ARHGAP24: variants seen among roughly 807,000 people sequenced by gnomAD.
The protein encoded by ARHGAP24 is rho GTPase-activating protein 24.
Under a neutral mutation model 76.4 loss-of-function variants are expected in ARHGAP24, and 50 were observed. That is an observed-to-expected ratio of 0.65 (90% CI 0.52 to 0.83). ARHGAP24 has a LOEUF of 0.83. Ranked by LOEUF, ARHGAP24 falls within the 40% of genes least tolerant of loss-of-function variation. ARHGAP24 has a pLI of 0.00. For synonymous variants in ARHGAP24, 345 were observed against 323.3 expected, an observed-to-expected ratio of 1.07 and a Z score of -0.72; for missense variants, 930 against 914.2, an observed-to-expected ratio of 1.02 and a Z score of -0.22.
intron 1 of ARHGAP24, among the ~76,000 whole-genome samples, chr4:85,568,629 A>T (rs1039746872): frequency 3.9e-5 from 6 of 152,210 alleles, no homozygotes; most frequent in Non-Finnish European, 5.9e-5. Flanking sequence ...TGGAGGCATC[A>T]GGCATGGTCC....
intron 8 of ARHGAP24, among the ~76,000 whole-genome samples, chr4:85,988,258 G>A (rs1740118949): frequency 6.6e-6 from 1 of 151,634 alleles, no homozygotes; most frequent in Non-Finnish European, 1.5e-5. Context: ...GCACTACACA[G>A]CAATAATATG....
In ARHGAP24 at chr4:85,995,561, AC is replaced by A. The variant is rs1287278953; in HGVS notation, c.1908del (p.Asn636LysfsTer12). ...SSDNSETFVG[N>X]SSSNHSALHS... The stretch of plus-strand genomic sequence containing the variant: ...GACAACAGTGAGACATTTGTGGGCA[AC>A]AGCAGCAGCAACCACAGTGCACTGC... On this transcript the variant is annotated frameshift_variant, in exon 9 of 10. Coordinates refer to ENST00000395184, the MANE Select transcript of ARHGAP24 (RefSeq NM_001025616.3). LOFTEE classifies it high-confidence loss of function. The A allele has an allele frequency of 6.2e-7, 1 of 1,612,940 alleles. No individual in the cohort carries two copies. The highest frequency in any genetic ancestry group is 1.1e-5 in the South Asian group (1 of 90,950).
intron 3 of ARHGAP24, among the ~76,000 whole-genome samples, chr4:85,760,816 T>G (rs1726705648): frequency 6.6e-6 from 1 of 152,170 alleles, no homozygotes; most frequent in African/African-American, 2.4e-5. Flanking sequence ...ACAGTTGACT[T>G]GCCCCACGTA....
At chr4:85,979,899 G>A (rs1739553918) in intron 8 of ARHGAP24, among the ~76,000 whole-genome samples, 1 of 152,070 alleles carries the variant, frequency 6.6e-6, no homozygotes. Context: ...AATTTGCTTG[G>A]TCAATACATT....
intron 3 of ARHGAP24, among the ~76,000 whole-genome samples, chr4:85,911,032 T>C (rs1735047354): frequency 6.6e-6 from 1 of 152,072 alleles, no homozygotes; most frequent in African/African-American, 2.4e-5. Context: ...GGGGCAGGCA[T>C]TTCCGAGCCT....
At chr4:85,483,686 TTGTG>T (rs375507013) in intron 1 of ARHGAP24, among the ~76,000 whole-genome samples, 2 of 151,244 alleles carry the variant, frequency 1.3e-5, no homozygotes, top group East Asian at 3.9e-4. Context: ...ATGTTTTAAT[TTGTG>T]TGTGTGTGTG....
chr4:85,931,830 T>C (rs531443885), intron 4 of ARHGAP24, among the ~76,000 whole-genome samples: 2 of 152,342 alleles, frequency 1.3e-5, no homozygotes, highest in African/African-American at 4.8e-5. Flanking sequence ...GGAATGGCTG[T>C]TTAAGTAGAA....
chr4:85,953,638 A>ATTT (rs567273059), intron 5 of ARHGAP24, among the ~76,000 whole-genome samples: 4 of 145,666 alleles, frequency 2.7e-5, no homozygotes, highest in African/African-American at 1.0e-4. Context: ...TCCACAGGCG[A>ATTT]TTTTTTTTTT....
At chr4:85,856,180 T>A (rs1731546610) in intron 3 of ARHGAP24, among the ~76,000 whole-genome samples, 1 of 152,166 alleles carries the variant, frequency 6.6e-6, no homozygotes, top group East Asian at 1.9e-4. Flanking sequence ...GCTATTTCAT[T>A]GTGGTTTGAA....
intron 3 of ARHGAP24, among the ~76,000 whole-genome samples, chr4:85,745,527 G>T (rs537775390): frequency 2.0e-5 from 3 of 149,050 alleles, no homozygotes; most frequent in Non-Finnish European, 3.0e-5. Flanking sequence ...GGAGTTCAAG[G>T]CTTCAATGAG....
At chr4:85,807,257 C>G (rs1295011980) in intron 3 of ARHGAP24, among the ~76,000 whole-genome samples, 8 of 152,072 alleles carry the variant, frequency 5.3e-5, no homozygotes. Flanking sequence ...CATCCCTCCC[C>G]TAACCTCCCC....
chr4:85,895,309 G>A (rs763582015), intron 3 of ARHGAP24, among the ~76,000 whole-genome samples: 3 of 152,098 alleles, frequency 2.0e-5, no homozygotes, highest in Non-Finnish European at 2.9e-5. Context: ...GCTCACCATC[G>A]GAAGTTTTAC....
At chr4:85,583,786 TG>T in intron 2 of ARHGAP24, among the ~76,000 whole-genome samples, 1 of 148,112 alleles carries the variant, frequency 6.8e-6, no homozygotes, top group Admixed American at 6.7e-5. Context: ...GCAAAGGACA[TG>T]AATAGACACT....
At chr4:85,953,578 C>T (rs1259202824) in intron 5 of ARHGAP24, among the ~76,000 whole-genome samples, 3 of 151,904 alleles carry the variant, frequency 2.0e-5, no homozygotes, top group Non-Finnish European at 4.4e-5. Flanking sequence ...CCCACTTGCT[C>T]TCATTCTGAT....
intron 2 of ARHGAP24, among the ~76,000 whole-genome samples, chr4:85,642,888 C>T (rs192428597): frequency 6.6e-6 from 1 of 152,238 alleles, no homozygotes; most frequent in African/African-American, 2.4e-5. Context: ...GCTATAAAGT[C>T]CCTGCAGTGG....
At chr4:85,549,049 T>C (rs1269447535) in intron 1 of ARHGAP24, among the ~76,000 whole-genome samples, 1 of 151,884 alleles carries the variant, frequency 6.6e-6, no homozygotes, top group Non-Finnish European at 1.5e-5. Flanking sequence ...TGTTTATCTG[T>C]TCCCTCTTGA....
intron 8 of ARHGAP24, chr4:85,992,031 T>C (rs1289135004): frequency 2.5e-6 from 1 of 395,936 alleles, no homozygotes; most frequent in African/African-American, 2.1e-5. Flanking sequence ...TATAAAATTA[T>C]ATGGTTCAGG....
chr4:85,837,320 A>AGGGAAAACATTTTCCCCAGTAATG (rs1277735584), intron 3 of ARHGAP24, among the ~76,000 whole-genome samples: 2 of 152,198 alleles, frequency 1.3e-5, no homozygotes, highest in Non-Finnish European at 2.9e-5. Context: ...AGGCCTGTCA[A>AGGGAAAACATTTTCCCCAGTAATG]GGGAAAACAT....
intron 3 of ARHGAP24, among the ~76,000 whole-genome samples, chr4:85,725,717 C>T (rs1453476790): frequency 2.0e-5 from 3 of 152,328 alleles, no homozygotes; most frequent in East Asian, 3.9e-4. Context: ...TTGGGATAGT[C>T]CTGTTGGATG....
Sources: gnomAD v4.1 joint callset for allele counts (sites outside exome capture counted in the v4.1 genomes callset) on GRCh38, gnomAD v4.1.1 for gene constraint, MANE v1.5 for transcripts, NCBI Gene and HGNC (gene_info 2026-07-23, HGNC 2026-07-21) for gene names.